SALL4: variants seen among roughly 807,000 people sequenced by gnomAD.
SALL4 encodes the protein spalt like transcription factor 4.
In SALL4, 4 loss-of-function variants were observed where a neutral mutation model predicts 60.8. The observed-to-expected ratio is 0.07, with a 90% CI of 0.03 to 0.15. The LOEUF (loss-of-function observed/expected upper bound fraction) is 0.15, where lower values mean the gene tolerates loss of function less well. SALL4 is among the 10% of genes least tolerant of loss of function. The pLI is 1.00. For synonymous variants in SALL4, 580 were observed against 574.9 expected, an observed-to-expected ratio of 1.01 and a Z score of -0.13; for missense variants, 1,178 against 1,394.7, an observed-to-expected ratio of 0.84 and a Z score of 2.48.
intron 1 of SALL4, among the ~76,000 whole-genome samples, chr20:51,796,373 G>T (rs2078080162): frequency 6.6e-6 from 1 of 152,108 alleles, no homozygotes; most frequent in Non-Finnish European, 1.5e-5. Flanking sequence ...CTTAAGGCAA[G>T]CTTGTCCAAA....
Position 51,788,308 on chromosome 20 carries a change from C to A in SALL4, c.2742+553G>T, listed in dbSNP as rs1568861803. Among the ~76,000 whole-genome samples the A allele has an allele frequency of 6.8e-6, 1 of 147,910 alleles. No individual in the cohort carries two copies. The highest frequency in any genetic ancestry group is 6.9e-5 in the Admixed American group (1 of 14,558). ...TTGGCGGGGACCCAAGCATGCAACA[C>A]CATGCCCAACTAATTTGTGTGTGTG... is the stretch of plus-strand genomic sequence containing the variant. On this transcript the variant is annotated intron_variant, in intron 3 of 3. Coordinates refer to ENST00000217086, the MANE Select transcript of SALL4 (RefSeq NM_020436.5). This position sits in a 1 kb window ranked among gnomAD's most constrained non-coding sequence, Gnocchi z 4.1.
rs757331197 is a variant in SALL4, at chr20:51,792,254, A to G, written c.229T>C (p.Cys77Arg). ...GAGATGCTGAAGAACTCCGCACAGC[A>G]TTTCTCACAGACGTGCGTCTCCTCC... ...RREETHVCEK[C>R]CAEFFSISEF... The change falls in exon 2 of 4, where the codon TGC becomes CGC. Residue 77 changes from cysteine to arginine, a missense_variant. Physicochemically the swap from Cys to Arg is radical, Grantham distance 180 (BLOSUM62 -3). Transcript: ENST00000217086. The G allele has an allele frequency of 6.2e-7, 1 of 1,613,842 alleles. No individual in the cohort carries two copies. Among genetic ancestry groups the G allele is most frequent in the East Asian group, 2.2e-5 (1 of 44,876 alleles).
chr20:51,791,327 A>G lies in SALL4; in HGVS notation c.1156T>C (p.Tyr386His), dbSNP rs1229963798. Residue 386 changes from tyrosine (Y) to histidine (H), a missense_variant, in exon 2 of 4, where the codon TAC becomes CAC. Coordinates refer to ENST00000217086, the MANE Select transcript of SALL4 (RefSeq NM_020436.5). The surrounding 1 kb of genome is among the most constrained non-coding windows in gnomAD (Gnocchi z 4.6). The stretch of plus-strand genomic sequence containing the variant: ...TCAGTCCCAAAAACCTTGCTACAGT[A>G]CTTACACTTGTGCTTGTAGAGGGCC... ...EAALYKHKCK[Y>H]CSKVFGTDSS... is the part of the protein sequence containing the mutation. The G allele has an allele frequency of 4.3e-6, 7 of 1,614,090 alleles. No homozygotes were observed. Among genetic ancestry groups the G allele is most frequent in the Non-Finnish European group, 5.9e-6 (7 of 1,180,020 alleles).
intron 3 of SALL4, among the ~76,000 whole-genome samples, chr20:51,786,757 G>C (rs145351186): frequency 2.6e-5 from 4 of 152,328 alleles, no homozygotes; most frequent in African/African-American, 7.2e-5. Flanking sequence ...CTTTTCAAAA[G>C]TCCAGTGAAA....
Position 51,788,799 on chromosome 20 carries a change from G to C in SALL4, c.2742+62C>G. The C allele has an allele frequency of 6.3e-7, 1 of 1,598,146 alleles. No homozygotes were observed. The highest frequency in any genetic ancestry group is 8.5e-7 in the Non-Finnish European group (1 of 1,172,392). ...AGGATGGAAGAACTCATCACGGCTT[G>C]TGCCAATAAGAAGACACCTGGTGCC... On this transcript the variant is annotated intron_variant, in intron 3 of 3. Coordinates refer to ENST00000217086, the MANE Select transcript of SALL4 (RefSeq NM_020436.5). This position sits in a 1 kb window ranked among gnomAD's most constrained non-coding sequence, Gnocchi z 4.1.
At chr20:51,795,126 T>A (rs887608639) in intron 1 of SALL4, among the ~76,000 whole-genome samples, 4 of 152,200 alleles carry the variant, frequency 2.6e-5, no homozygotes, top group Admixed American at 2.6e-4. Flanking sequence ...GCCCCAATAC[T>A]GCTGCGAATC....
rs781504207 is a variant in SALL4 at position 51,788,850 on chromosome 20, C to T, written c.2742+11G>A. 1 of 1,613,856 alleles carries T rather than the reference C, an allele frequency of 6.2e-7. No individual in the cohort carries two copies. The highest frequency in any genetic ancestry group is 1.1e-5 in the South Asian group (1 of 91,086). ...TAGCCCCCATCCTGCTGAAAGCCCA[C>T]ACAAACCCACCTTTAAGTTGCCTTT... On this transcript the variant is annotated intron_variant, in intron 3 of 3. Transcript: ENST00000217086. The surrounding 1 kb of genome is among the most constrained non-coding windows in gnomAD (Gnocchi z 4.1).
intron 1 of SALL4, among the ~76,000 whole-genome samples, chr20:51,796,196 C>CAAAAAAAAA (rs11474910): frequency 3.3e-5 from 3 of 90,528 alleles, no homozygotes; most frequent in East Asian, 2.9e-4. Flanking sequence ...AAGACTGTCT[C>CAAAAAAAAA]AAAAAAAAAA....
Position 51,791,001 on chromosome 20 carries a change from A to C in SALL4, c.1482T>G (p.Asn494Lys). 1 of 1,614,152 alleles carries C rather than the reference A, an allele frequency of 6.2e-7. No homozygotes were observed. Among genetic ancestry groups the C allele is most frequent in the Middle Eastern group, 1.6e-4 (1 of 6,062 alleles). The stretch of plus-strand genomic sequence containing the variant: ...AGGAGCCACCCGTGAGGTCCTTGGG[A>C]TTAGTCCCCGAAGAAAGATTCTGAG... The part of the protein sequence containing the change: ...GLPQNLSSGT[N>K]PKDLTGGSLP... Residue 494 changes from asparagine (N) to lysine (K), a missense_variant, in exon 2 of 4, where the codon AAT (asparagine) becomes AAG (lysine). Physicochemically the swap from Asn to Lys is moderately conservative, Grantham distance 94. Coordinates refer to ENST00000217086, the MANE Select transcript of SALL4 (RefSeq NM_020436.5). The surrounding 1 kb of genome is among the most constrained non-coding windows in gnomAD (Gnocchi z 4.6).
intron 1 of SALL4, among the ~76,000 whole-genome samples, chr20:51,795,247 A>G (rs2078072498): frequency 2.0e-5 from 3 of 152,070 alleles, no homozygotes; most frequent in Non-Finnish European, 2.9e-5. Context: ...CTCTACTAAC[A>G]ATACAAAAAA....
At chr20:51,786,236 A>G (rs6013280) in intron 3 of SALL4, among the ~76,000 whole-genome samples, 45,692 of 148,066 alleles carry the variant, frequency 0.31, 7,689 homozygotes, top group East Asian at 0.59. Context: ...ACAGGCGCCC[A>G]CCGCCACCAC....
At position 51,790,256 on chromosome 20, in the gene SALL4, G is replaced by C. The variant is rs773077451; in HGVS notation, c.2227C>G (p.Leu743Val). 6.2e-7 allele frequency: 1 copy of C among 1,614,058 alleles called. No homozygotes were observed. The highest frequency in any genetic ancestry group is 8.5e-7 in the Non-Finnish European group (1 of 1,180,056). ...PGKVGPAPFN[L>V]QRQGSRENGS... The stretch of plus-strand genomic sequence containing the variant: ...TTTTCTCTGCTGCCCTGGCGCTGCA[G>C]GTTAAAAGGGGCAGGACCCACTTTC... Residue 743 changes from leucine (L) to valine (V), a missense_variant, in exon 2 of 4, where the codon CTG (leucine) becomes GTG (valine). Physicochemically the swap from Leu to Val is conservative, Grantham distance 32. Transcript: ENST00000217086. The surrounding 1 kb of genome is among the most constrained non-coding windows in gnomAD (Gnocchi z 5.5).
In SALL4 at chr20:51,792,088, C is replaced by T. The variant is rs2078049344; in HGVS notation, c.395G>A (p.Cys132Tyr). The T allele has an allele frequency of 6.2e-7, 1 of 1,614,088 alleles. No homozygotes were observed. Among genetic ancestry groups the T allele is most frequent in the African/African-American group, 1.3e-5 (1 of 74,932 alleles). ...TGAGCTGCCGCCATTCTCCCTGTGA[C>T]AGTCCTTACTGCCGGGACTGGTGGG... ...HQPTSPGSKD[C>Y]HRENGGSSED... Residue 132 changes from cysteine to tyrosine, a missense_variant, in exon 2 of 4, where the codon TGT (cysteine) becomes TAT (tyrosine). Physicochemically the swap from Cys to Tyr is radical, Grantham distance 194. Around this residue, in one of 5 missense-constraint regions of SALL4, gnomAD observed 853 missense variants for 1,036.8 expected, o/e 0.82. Coordinates refer to ENST00000217086, the MANE Select transcript of SALL4 (RefSeq NM_020436.5).
rs61737142 is a variant in SALL4, at chr20:51,790,301, C to G, written c.2182G>C (p.Ala728Pro). Residue 728 changes from alanine (A) to proline (P), a missense_variant, in exon 2 of 4, where the codon GCT (alanine) becomes CCT (proline). Ala to Pro is a conservative substitution (Grantham distance 27). Coordinates refer to ENST00000217086, the MANE Select transcript of SALL4 (RefSeq NM_020436.5). This position sits in a 1 kb window ranked among gnomAD's most constrained non-coding sequence, Gnocchi z 5.5. ...ASPTLGFAMMASLDAPGKVGP... is the reference protein window; with the variant it reads ...ASPTLGFAMMPSLDAPGKVGP... ...ACTTTCCCTGGGGCATCTAAGGAAG[C>G]CATCATGGCAAACCCTAGCGTGGGT... 4.1e-3 allele frequency: 6,620 copies of G among 1,614,154 alleles called. 254 individuals are homozygous for G. The African/African-American group carries it at 0.076, about 19-fold the overall frequency.
chr20:51,786,912 T>G (rs1332211679), intron 3 of SALL4, among the ~76,000 whole-genome samples: 3 of 151,986 alleles, frequency 2.0e-5, no homozygotes, highest in Non-Finnish European at 4.4e-5. Context: ...CTGGCCAACA[T>G]GGTGAAACCC....
Position 51,801,907 on chromosome 20 carries a change from A to G in SALL4, c.130+372T>C, listed in dbSNP as rs2078112214. On this transcript the variant is annotated intron_variant, in intron 1 of 3. Transcript: ENST00000217086. This position sits in a 1 kb window ranked among gnomAD's most constrained non-coding sequence, Gnocchi z 5.2. ...TTTGAGAGCGACGCGAGGGAGGGGG[A>G]CCTAAGTTACAAGGGGGGGGGGTAA... Among the ~76,000 whole-genome samples the G allele has an allele frequency of 1.8e-5, 2 of 112,792 alleles. No individual in the cohort carries two copies. Among genetic ancestry groups the G allele is most frequent in the South Asian group, 3.4e-4 (1 of 2,930 alleles). 74.0% of individuals were successfully genotyped at this position (112,792 alleles called of 152,430 possible). A position where few individuals can be genotyped will look rare whatever the true frequency, so the allele number is the denominator to read the frequency against.
At chr20:51,796,979 T>C (rs996598864) in intron 1 of SALL4, among the ~76,000 whole-genome samples, 4 of 152,150 alleles carry the variant, frequency 2.6e-5, no homozygotes, top group Non-Finnish European at 5.9e-5. Context: ...ATGCATGTTC[T>C]ATTTAACACA....
intron 3 of SALL4, among the ~76,000 whole-genome samples, chr20:51,786,967 C>T (rs569610226): frequency 2.8e-4 from 43 of 152,120 alleles, no homozygotes; most frequent in Middle Eastern, 3.4e-3. Flanking sequence ...TGGTGGCACA[C>T]GCCTGAAGTC....
intron 1 of SALL4, among the ~76,000 whole-genome samples, chr20:51,795,803 A>G (rs1346258631): frequency 1.3e-5 from 2 of 152,210 alleles, no homozygotes; most frequent in Non-Finnish European, 2.9e-5. Context: ...TCATGTTAAC[A>G]AACAGCAACA....
Sources: gnomAD v4.1 joint callset for allele counts (sites outside exome capture counted in the v4.1 genomes callset) on GRCh38, gnomAD v4.1.1 for gene constraint, gnomAD v4.1.1 regional missense constraint, Gnocchi (gnomAD v3.1) non-coding constraint, MANE v1.5 for transcripts, NCBI Gene and HGNC (gene_info 2026-07-23, HGNC 2026-07-21) for gene names.